Variants in CLYBL observed in about 807,000 individuals in gnomAD.
CLYBL encodes citramalyl-CoA lyase, mitochondrial.
A neutral mutation model predicts 38.9 loss-of-function variants in CLYBL; 31 were observed. That is an observed-to-expected ratio of 0.80 (90% CI 0.60 to 1.08). The LOEUF (loss-of-function observed/expected upper bound fraction) is 1.08. Among genes scored for constraint, CLYBL ranks in the 50% least tolerant of loss-of-function variants. The pLI is 0.00. For synonymous variants in CLYBL, 171 were observed against 158.6 expected (o/e 1.08, Z -0.59); for missense variants, 434 against 411.6 (o/e 1.05, Z -0.47).
chr13:99,739,209 A>G (rs1014776341), intron 1 of CLYBL, among the ~76,000 whole-genome samples: 3 of 152,316 alleles, frequency 2.0e-5, no homozygotes, highest in Non-Finnish European at 2.9e-5. Context: ...TGTTCGTAAT[A>G]TGAAACAGTC....
intron 1 of CLYBL, among the ~76,000 whole-genome samples, chr13:99,754,614 G>A (rs377049121): frequency 7.3e-5 from 11 of 150,388 alleles, no homozygotes; most frequent in Admixed American, 3.3e-4. Flanking sequence ...AGACAAAGTC[G>A]CGTTCTGTAG....
intron 2 of CLYBL, among the ~76,000 whole-genome samples, chr13:99,853,646 C>CT (rs568712485): frequency 1.0e-3 from 156 of 150,778 alleles, no homozygotes; most frequent in Middle Eastern, 3.4e-3. Flanking sequence ...ATTCATTTGC[C>CT]TTTTTTTTTC....
chr13:99,761,272 G>A (rs1182842177), intron 1 of CLYBL, among the ~76,000 whole-genome samples: 1 of 152,234 alleles, frequency 6.6e-6, no homozygotes, highest in African/African-American at 2.4e-5. Flanking sequence ...AGAATGGCGT[G>A]AACCGGGGAG....
At chr13:99,766,247 G>A (rs4267173) in intron 1 of CLYBL, among the ~76,000 whole-genome samples, 81,164 of 151,872 alleles carry the variant, frequency 0.53, 21,748 homozygotes, top group Middle Eastern at 0.58. Flanking sequence ...GTATTTTCAA[G>A]TAGCCTATCT....
At chr13:99,834,161 C>G (rs1566346336) in intron 2 of CLYBL, among the ~76,000 whole-genome samples, 1 of 152,164 alleles carries the variant, frequency 6.6e-6, no homozygotes, top group Non-Finnish European at 1.5e-5. Flanking sequence ...CTGGTTCACG[C>G]AGCTTTAAGG....
chr13:99,740,981 T>C (rs1257508602), intron 1 of CLYBL, among the ~76,000 whole-genome samples: 1 of 152,204 alleles, frequency 6.6e-6, no homozygotes, highest in East Asian at 1.9e-4. Context: ...AAAGCACCTG[T>C]CGATGGGAAT....
At chr13:99,897,531 G>A (rs2052596228), downstream of CLYBL, among the ~76,000 whole-genome samples, 1 of 152,208 alleles carries the variant, frequency 6.6e-6, no homozygotes, top group African/African-American at 2.4e-5. Flanking sequence ...CAGGATGGGT[G>A]TAAGACAGCC....
At chr13:99,645,284 C>T (rs953694425) in intron 1 of CLYBL, among the ~76,000 whole-genome samples, 2 of 152,144 alleles carry the variant, frequency 1.3e-5, no homozygotes, top group African/African-American at 2.4e-5. Context: ...ATCACGAGGT[C>T]AGGAGATCGA....
At chr13:99,636,755 A>G (rs1053287938) in intron 1 of CLYBL, among the ~76,000 whole-genome samples, 1 of 152,150 alleles carries the variant, frequency 6.6e-6, no homozygotes, top group Non-Finnish European at 1.5e-5. Context: ...AGATAAAATG[A>G]TGGTTCTACG....
intron 1 of CLYBL, among the ~76,000 whole-genome samples, chr13:99,620,475 T>C (rs956595506): frequency 6.6e-6 from 1 of 152,174 alleles, no homozygotes; most frequent in African/African-American, 2.4e-5. Context: ...TCAAGTGCTA[T>C]ACATTTTAAG....
intron 1 of CLYBL, among the ~76,000 whole-genome samples, chr13:99,709,923 CT>C (rs373484721): frequency 0.18 from 20,113 of 109,734 alleles, 996 homozygotes; most frequent in East Asian, 0.35. Flanking sequence ...TTCTTTCTTT[CT>C]TTTTTTTTTT....
intron 2 of CLYBL, among the ~76,000 whole-genome samples, chr13:99,841,860 G>C (rs1464137717): frequency 2.7e-5 from 4 of 145,978 alleles, no homozygotes; most frequent in Non-Finnish European, 4.5e-5. Context: ...TTGTCACCGA[G>C]GGTGGAGTGC....
chr13:99,783,390 A>G (rs1356496262), intron 2 of CLYBL, among the ~76,000 whole-genome samples: 3 of 151,546 alleles, frequency 2.0e-5, no homozygotes, highest in Admixed American at 2.0e-4. Flanking sequence ...TATATCTGGA[A>G]GTTCTATTTG....
intron 1 of CLYBL, among the ~76,000 whole-genome samples, chr13:99,708,240 C>A (rs1345528941): frequency 6.6e-6 from 1 of 152,176 alleles, no homozygotes; most frequent in African/African-American, 2.4e-5. Context: ...CTTGGCCTCC[C>A]AAAGTGCTAG....
At chr13:99,640,121 C>G (rs1239820393) in intron 1 of CLYBL, among the ~76,000 whole-genome samples, 1 of 152,090 alleles carries the variant, frequency 6.6e-6, no homozygotes, top group Non-Finnish European at 1.5e-5. Flanking sequence ...TGAATTTGTT[C>G]ATTTTTTGTT....
At chr13:99,876,415 C>T (rs550295547) in intron 7 of CLYBL, among the ~76,000 whole-genome samples, 17 of 105,262 alleles carry the variant, frequency 1.6e-4, no homozygotes, top group African/African-American at 7.5e-4. Context: ...AACAAGACTC[C>T]GTCTCAAAAA....
Position 99,798,106 on chromosome 13 carries a change from C to G in CLYBL, c.249+25096C>G, listed in dbSNP as rs2761159. Reference sequence around the variant, plus strand: ...TGAAACAATATTTGCCAGAGTTTCTCTGTTCCCATCTGGCTTACCATAAGC... The same window carrying G: ...TGAAACAATATTTGCCAGAGTTTCTGTGTTCCCATCTGGCTTACCATAAGC... On this transcript the variant is annotated intron_variant, in intron 2 of 8. Coordinates refer to ENST00000339105, the MANE Select transcript of CLYBL (RefSeq NM_206808.5). Among the ~76,000 whole-genome samples the G allele has an allele frequency of 7.1e-3, 1,084 of 152,282 alleles. 14 individuals are homozygous for G. Among genetic ancestry groups the G allele is most frequent in the African/African-American group, 0.025 (1,051 of 41,532 alleles).
At chr13:99,864,393 C>T (rs1415670185) in intron 4 of CLYBL, among the ~76,000 whole-genome samples, 2 of 152,124 alleles carry the variant, frequency 1.3e-5, no homozygotes, top group Non-Finnish European at 2.9e-5. Context: ...TGTCTTTAAT[C>T]CTGAGACCAT....
chr13:99,670,063 G>A (rs540159797), intron 1 of CLYBL, among the ~76,000 whole-genome samples: 3 of 152,132 alleles, frequency 2.0e-5, no homozygotes, highest in Non-Finnish European at 4.4e-5. Context: ...GCCAGGCATG[G>A]TGGCATGCAC....
Sources: allele counts gnomAD v4.1 joint callset (sites outside exome capture counted in the v4.1 genomes callset), GRCh38; gene constraint gnomAD v4.1.1; transcripts MANE v1.5; gene names NCBI Gene and HGNC (gene_info 2026-07-23, HGNC 2026-07-21).